ARHGAP15: variants seen among roughly 807,000 people sequenced by gnomAD.
ARHGAP15 encodes rho GTPase-activating protein 15.
A neutral mutation model predicts 63.7 loss-of-function variants in ARHGAP15; 51 were observed. The observed-to-expected ratio is 0.80, with a 90% CI of 0.64 to 1.01. The LOEUF is 1.01. ARHGAP15 is among the 50% of genes least tolerant of loss of function. The pLI, the probability that ARHGAP15 is intolerant of heterozygous loss-of-function variation, is 0.00. For synonymous variants in ARHGAP15, 191 were observed against 193.8 expected, an observed-to-expected ratio of 0.99 and a Z score of 0.12; for missense variants, 560 against 564.6, an observed-to-expected ratio of 0.99 and a Z score of 0.08.
intron 13 of ARHGAP15, among the ~76,000 whole-genome samples, chr2:143,755,138 T>C (rs893530830): frequency 6.6e-6 from 1 of 152,160 alleles, no homozygotes; most frequent in African/African-American, 2.4e-5. Context: ...CTTCAAAGAT[T>C]GTTCAACCTT....
At chr2:143,266,984 G>A (rs1229980174) in intron 6 of ARHGAP15, among the ~76,000 whole-genome samples, 2 of 152,126 alleles carry the variant, frequency 1.3e-5, no homozygotes, top group African/African-American at 4.8e-5. Context: ...CTTTCTGGAA[G>A]GGTGTGACAA....
intron 8 of ARHGAP15, among the ~76,000 whole-genome samples, chr2:143,454,469 C>A (rs1690555290): frequency 6.6e-6 from 1 of 151,990 alleles, no homozygotes; most frequent in South Asian, 2.1e-4. Flanking sequence ...ATTTGGAAGT[C>A]CTACCAGTGG....
At chr2:143,630,573 T>C (rs1386066341) in intron 12 of ARHGAP15, among the ~76,000 whole-genome samples, 3 of 152,104 alleles carry the variant, frequency 2.0e-5, no homozygotes, top group East Asian at 3.9e-4. Context: ...CTACTTTTGA[T>C]TTATCAACTA....
At position 143,216,377 on chromosome 2, in the gene ARHGAP15, C is replaced by A; in HGVS notation, c.235-7C>A. 1 of 1,607,816 alleles carries A rather than the reference C, an allele frequency of 6.2e-7. No individual in the cohort carries two copies. Among genetic ancestry groups the A allele is most frequent in the Non-Finnish European group, 8.5e-7 (1 of 1,176,124 alleles). ...TCACGGTTTTAACATATGCATTCTT[C>A]TTGCAGATGGTTGAAAAAGAAGGTT... is the stretch of plus-strand genomic sequence containing the variant. On this transcript the variant is annotated splice_polypyrimidine_tract_variant and splice_region_variant and intron_variant, in intron 3 of 13. Coordinates refer to ENST00000295095, the MANE Select transcript of ARHGAP15 (RefSeq NM_018460.4).
intron 6 of ARHGAP15, among the ~76,000 whole-genome samples, chr2:143,392,427 ATT>A (rs1287625040): frequency 1.3e-5 from 2 of 152,176 alleles, no homozygotes; most frequent in Non-Finnish European, 2.9e-5. Context: ...TATGTCATCT[ATT>A]TTTTCAACAG....
intron 10 of ARHGAP15, among the ~76,000 whole-genome samples, chr2:143,535,862 T>C (rs1574594863): frequency 6.6e-6 from 1 of 152,222 alleles, no homozygotes; most frequent in East Asian, 1.9e-4. Context: ...GTCACATATA[T>C]GGAGTTAGAT....
intron 6 of ARHGAP15, among the ~76,000 whole-genome samples, chr2:143,422,032 G>A (rs906264586): frequency 1.3e-5 from 2 of 151,998 alleles, no homozygotes; most frequent in African/African-American, 2.4e-5. Flanking sequence ...TTTGGAATAC[G>A]TTCTTCCCTT....
intron 6 of ARHGAP15, among the ~76,000 whole-genome samples, chr2:143,292,304 T>A (rs1197364068): frequency 6.6e-6 from 1 of 152,112 alleles, no homozygotes; most frequent in Non-Finnish European, 1.5e-5. Context: ...TTTTTTTAGT[T>A]AATTATTTAC....
intron 6 of ARHGAP15, among the ~76,000 whole-genome samples, chr2:143,295,270 C>A (rs1211747942): frequency 6.6e-6 from 1 of 152,044 alleles, no homozygotes; most frequent in Non-Finnish European, 1.5e-5. Context: ...GCTTAAGTTA[C>A]ACAGTTTGTA....
intron 8 of ARHGAP15, among the ~76,000 whole-genome samples, chr2:143,463,466 G>C (rs906154492): frequency 6.6e-6 from 1 of 150,848 alleles, no homozygotes; most frequent in Admixed American, 6.6e-5. Flanking sequence ...CACTAACCCT[G>C]GAGGCAGAAG....
chr2:143,409,323 A>G (rs1382436649), intron 6 of ARHGAP15, among the ~76,000 whole-genome samples: 1 of 151,892 alleles, frequency 6.6e-6, no homozygotes, highest in Admixed American at 6.6e-5. Context: ...TGGGACACTA[A>G]TGAGAGAATC....
At chr2:143,254,725 C>T (rs139630935) in intron 6 of ARHGAP15, among the ~76,000 whole-genome samples, 168 of 152,088 alleles carry the variant, frequency 1.1e-3, no homozygotes, top group African/African-American at 4.0e-3. Flanking sequence ...TCTTGTCTCC[C>T]CAAAGAAAAT....
At chr2:143,335,158 T>C (rs898570471) in intron 6 of ARHGAP15, among the ~76,000 whole-genome samples, 3 of 152,200 alleles carry the variant, frequency 2.0e-5, no homozygotes, top group Non-Finnish European at 4.4e-5. Flanking sequence ...CATGGACACT[T>C]TTATTGAGAA....
At chr2:143,651,202 T>C (rs1293386367) in intron 12 of ARHGAP15, among the ~76,000 whole-genome samples, 2 of 152,030 alleles carry the variant, frequency 1.3e-5, no homozygotes, top group Non-Finnish European at 2.9e-5. Context: ...AAAATTGTTC[T>C]GTATTGAAGT....
intron 2 of ARHGAP15, among the ~76,000 whole-genome samples, chr2:143,187,137 T>C (rs1392663452): frequency 2.0e-5 from 3 of 152,172 alleles, no homozygotes; most frequent in African/African-American, 7.2e-5. Flanking sequence ...TAGAGTTAGA[T>C]AATAGCATGA....
At chr2:143,146,296 C>T (rs1041529723) in intron 1 of ARHGAP15, among the ~76,000 whole-genome samples, 2 of 151,890 alleles carry the variant, frequency 1.3e-5, no homozygotes, top group African/African-American at 4.8e-5. Flanking sequence ...TAAAAACAAG[C>T]AAAAGTATTG....
At chr2:143,403,670 A>C (rs1285736501) in intron 6 of ARHGAP15, among the ~76,000 whole-genome samples, 1 of 151,898 alleles carries the variant, frequency 6.6e-6, no homozygotes, top group Non-Finnish European at 1.5e-5. Flanking sequence ...ATGAAAACAG[A>C]CCAGAAAAAG....
intron 10 of ARHGAP15, among the ~76,000 whole-genome samples, chr2:143,523,639 T>A (rs569366909): frequency 5.9e-5 from 9 of 152,248 alleles, no homozygotes; most frequent in Non-Finnish European, 1.3e-4. Flanking sequence ...CTAAAGATAT[T>A]TTTATGGATC....
chr2:143,591,386 C>T (rs999852512), intron 11 of ARHGAP15, among the ~76,000 whole-genome samples: 1 of 152,106 alleles, frequency 6.6e-6, no homozygotes, highest in Non-Finnish European at 1.5e-5. Context: ...AATGTGGATC[C>T]TGGAATCACA....
Sources: gnomAD v4.1 joint callset for allele counts (sites outside exome capture counted in the v4.1 genomes callset) on GRCh38, gnomAD v4.1.1 for gene constraint, MANE v1.5 for transcripts, NCBI Gene and HGNC (gene_info 2026-07-23, HGNC 2026-07-21) for gene names.